Variants in MEIS1 observed in about 807,000 individuals in gnomAD.
The protein encoded by MEIS1 is homeobox protein Meis1.
In MEIS1, 5 loss-of-function variants were observed where a neutral mutation model predicts 50.8. That is an observed-to-expected ratio of 0.10 (90% confidence interval 0.05 to 0.21). The LOEUF is 0.21. Among genes scored for constraint, MEIS1 ranks in the 10% least tolerant of loss-of-function variants. The probability of loss-of-function intolerance (pLI) is 1.00; values close to 1 mark genes in which losing one functional copy is unlikely to be tolerated. For synonymous variants in MEIS1, 176 were observed against 179.3 expected (o/e 0.98, Z 0.15); for missense variants, 318 against 517.3 (o/e 0.61, Z 3.74).
At chr2:66,516,781 A>G (rs189628246) in intron 8 of MEIS1, among the ~76,000 whole-genome samples, 41 of 152,262 alleles carry the variant, frequency 2.7e-4, no homozygotes, top group Middle Eastern at 3.4e-3. Context: ...ATGGAATTGA[A>G]TTGGGAATTG....
chr2:66,485,534 A>C (rs1002455406), intron 7 of MEIS1, among the ~76,000 whole-genome samples: 1 of 152,108 alleles, frequency 6.6e-6, no homozygotes, highest in Non-Finnish European at 1.5e-5. Flanking sequence ...AGTCTTTGCT[A>C]TTGTGAATAG....
chr2:66,521,753 G>A (rs559106352), intron 8 of MEIS1, among the ~76,000 whole-genome samples: 1 of 152,320 alleles, frequency 6.6e-6, no homozygotes, highest in African/African-American at 2.4e-5. Flanking sequence ...AAAGCAGAGA[G>A]ACAGCTGCTG....
intron 7 of MEIS1, chr2:66,509,132 G>T (rs541817947): frequency 2.3e-6 from 1 of 443,392 alleles, no homozygotes; most frequent in Admixed American, 2.6e-5. Flanking sequence ...AGGTACAATT[G>T]ACCATTTAGA....
At chr2:66,495,967 C>T (rs965802717) in intron 7 of MEIS1, 1 of 152,344 alleles carries the variant, frequency 6.6e-6, no homozygotes, top group African/African-American at 2.4e-5. Context: ...TCAGGCAGGC[C>T]TACGATTGGT....
At chr2:66,441,497 C>T (rs561003735) in intron 5 of MEIS1, 33 bp downstream of exon 5, 12 of 1,504,812 alleles carry the variant, frequency 8.0e-6, no homozygotes, top group South Asian at 7.9e-5. Context: ...CTTTTACTTA[C>T]CCCTTACCCC....
At chr2:66,493,465 A>G (rs1673322160) in intron 7 of MEIS1, among the ~76,000 whole-genome samples, 1 of 152,146 alleles carries the variant, frequency 6.6e-6, no homozygotes, top group Admixed American at 6.5e-5. Flanking sequence ...TTTAAGACTC[A>G]TTAATATTTT....
chr2:66,497,731 A>G (rs550077898), intron 7 of MEIS1, among the ~76,000 whole-genome samples: 382 of 152,338 alleles, frequency 2.5e-3, no homozygotes, highest in African/African-American at 8.5e-3. Flanking sequence ...CCATCTCTAA[A>G]ATAAGATGAA....
At chr2:66,520,699 A>T (rs1003400017) in intron 8 of MEIS1, among the ~76,000 whole-genome samples, 9 of 152,224 alleles carry the variant, frequency 5.9e-5, no homozygotes, top group African/African-American at 2.2e-4. Flanking sequence ...GCTAAATAAA[A>T]ATGTAATATG....
intron 7 of MEIS1, among the ~76,000 whole-genome samples, chr2:66,496,567 C>T (rs11692361): frequency 0.81 from 123,312 of 152,152 alleles, 51,335 homozygotes; most frequent in Non-Finnish European, 0.91. Context: ...AAACCATTTG[C>T]GTGATGCTGG....
At chr2:66,468,201 C>T (rs1672684740) in intron 7 of MEIS1, among the ~76,000 whole-genome samples, 1 of 152,106 alleles carries the variant, frequency 6.6e-6, no homozygotes, top group Non-Finnish European at 1.5e-5. Context: ...GTGTCTTTTG[C>T]ATCCTACTGT....
At chr2:66,522,720 G>A (rs544109795) in intron 8 of MEIS1, among the ~76,000 whole-genome samples, 7 of 152,324 alleles carry the variant, frequency 4.6e-5, no homozygotes, top group African/African-American at 1.4e-4. Flanking sequence ...CTGTTGCCAT[G>A]CATATGTGGC....
intron 7 of MEIS1, among the ~76,000 whole-genome samples, chr2:66,490,110 A>G (rs549788722): frequency 1.3e-5 from 2 of 152,244 alleles, no homozygotes; most frequent in Non-Finnish European, 2.9e-5. Context: ...AAAATGAAAA[A>G]GTCAAAATCC....
Position 66,435,773 on chromosome 2 carries a change from G to C in MEIS1, c.-84G>C. The C allele has an allele frequency of 1.2e-6, 1 of 805,892 alleles. No individual in the cohort carries two copies. Among genetic ancestry groups the C allele is most frequent in the Non-Finnish European group, 1.9e-6 (1 of 528,734 alleles). 49.9% of individuals were successfully genotyped at this position (805,892 alleles called of 1,614,324 possible). ...TTTTTTTTTTTTTTTTTTTTCCGGGGGAGTTTGAATATTTGTTTCTTTTCA... is the reference window on the plus strand; with the variant it reads ...TTTTTTTTTTTTTTTTTTTTCCGGGCGAGTTTGAATATTTGTTTCTTTTCA... On this transcript the variant is annotated 5_prime_UTR_variant, in exon 1 of 13. Coordinates refer to ENST00000272369, the MANE Select transcript of MEIS1 (RefSeq NM_002398.3).
At chr2:66,508,925 CAGG>C (rs1283090115) in intron 7 of MEIS1, 11 of 432,242 alleles carry the variant, frequency 2.5e-5, no homozygotes, top group African/African-American at 1.0e-4. Context: ...CATTTGGCGG[CAGG>C]AGAAGTCAGC....
intron 5 of MEIS1, 67 bp downstream of exon 5, chr2:66,441,531 C>T (rs966212088): frequency 1.1e-4 from 147 of 1,314,854 alleles, no homozygotes; most frequent in Non-Finnish European, 1.4e-4. Context: ...GGGAGGGTTC[C>T]GAATGGCTGA....
At chr2:66,525,068 C>T (rs1674214337) in intron 8 of MEIS1, among the ~76,000 whole-genome samples, 1 of 151,964 alleles carries the variant, frequency 6.6e-6, no homozygotes, top group Non-Finnish European at 1.5e-5. Flanking sequence ...CAAAACTTAG[C>T]CTGGTGTGGC....
intron 10 of MEIS1, chr2:66,568,023 C>A (rs1675392815): frequency 1.1e-5 from 2 of 184,932 alleles, no homozygotes; most frequent in Admixed American, 1.1e-4. Flanking sequence ...ACAGTTAAAA[C>A]ACGGGATTCA....
intron 8 of MEIS1, among the ~76,000 whole-genome samples, chr2:66,529,357 A>G (rs980056022): frequency 6.6e-6 from 1 of 152,198 alleles, no homozygotes; most frequent in African/African-American, 2.4e-5. Context: ...GGAGCTTTAT[A>G]AAGTAGAAAG....
intron 7 of MEIS1, among the ~76,000 whole-genome samples, chr2:66,481,139 A>T (rs1014805546): frequency 3.9e-5 from 6 of 152,210 alleles, no homozygotes; most frequent in Non-Finnish European, 7.3e-5. Flanking sequence ...CACCCAGGAC[A>T]TGTAAGCTCA....
Sources: allele counts gnomAD v4.1 joint callset (sites outside exome capture counted in the v4.1 genomes callset), GRCh38; gene constraint gnomAD v4.1.1; transcripts MANE v1.5; gene names NCBI Gene and HGNC (gene_info 2026-07-23, HGNC 2026-07-21).